Variants in SLC1A7 observed in about 807,000 individuals in gnomAD.
SLC1A7 encodes solute carrier family 1 member 7.
In SLC1A7, 40 loss-of-function variants were observed where a neutral mutation model predicts 47.7. The ratio of observed to expected loss-of-function variants is 0.84; its 90% CI spans 0.65 to 1.09. The LOEUF is 1.09. Ranked by LOEUF, SLC1A7 falls within the 50% of genes least tolerant of loss-of-function variation. The probability of loss-of-function intolerance (pLI) is 0.00; values close to 1 mark genes in which losing one functional copy is unlikely to be tolerated. For missense variants in SLC1A7, 746 were observed against 769.5 expected (o/e 0.97, Z 0.36); for synonymous variants, 323 against 325.6 (o/e 0.99, Z 0.09).
At position 53,134,329 on chromosome 1, in the gene SLC1A7, T is replaced by G. The variant is rs1018725731; in HGVS notation, c.215+21A>C. 1.9e-6 allele frequency: 3 copies of G among 1,598,046 alleles called. No homozygotes were observed. The African/African-American group carries it at 4.0e-5, about 21-fold the overall frequency. ...TCTACCCTCCTGGTTCCGGACCACC[T>G]GGTCAAACCCCCGCTCTCACCTGGA... On this transcript the variant is annotated intron_variant, in intron 2 of 10. Coordinates refer to ENST00000371494, the MANE Select transcript of SLC1A7 (RefSeq NM_006671.6).
intron 2 of SLC1A7, chr1:53,115,810 A>C (rs938806566): frequency 2.0e-5 from 3 of 152,214 alleles, no homozygotes; most frequent in Non-Finnish European, 4.4e-5. Flanking sequence ...CCCCACCCCT[A>C]GCCACCCTGG....
intron 2 of SLC1A7, among the ~76,000 whole-genome samples, chr1:53,133,896 G>T (rs1442952438): frequency 6.6e-6 from 1 of 152,146 alleles, no homozygotes; most frequent in Non-Finnish European, 1.5e-5. Context: ...AGTAGGTGTT[G>T]TTATTCCCAT....
At chr1:53,123,139 T>C (rs954976579) in intron 2 of SLC1A7, among the ~76,000 whole-genome samples, 3 of 152,168 alleles carry the variant, frequency 2.0e-5, no homozygotes, top group Non-Finnish European at 2.9e-5. Context: ...CCGGCCATTC[T>C]CAACCATTCT....
chr1:53,117,742 G>T (rs143164411), intron 2 of SLC1A7, among the ~76,000 whole-genome samples: 3 of 152,156 alleles, frequency 2.0e-5, no homozygotes, highest in Non-Finnish European at 4.4e-5. Context: ...CCCTCAGAAG[G>T]CCCCCCACCG....
chr1:53,136,645 A>G (rs1348011165), intron 1 of SLC1A7, among the ~76,000 whole-genome samples: 2 of 107,814 alleles, frequency 1.9e-5, no homozygotes, highest in Admixed American at 2.7e-4. Context: ...ATAAAAACAT[A>G]TATATATTAT....
rs1445211370 is a variant in SLC1A7 at position 53,134,343 on chromosome 1, C to A, written c.215+7G>T. The A allele has an allele frequency of 3.1e-6, 5 of 1,610,326 alleles. No homozygotes were observed. The highest frequency in any genetic ancestry group is 4.2e-6 in the Non-Finnish European group (5 of 1,177,468). On this transcript the variant is annotated splice_region_variant and intron_variant, in intron 2 of 10. Coordinates refer to ENST00000371494, the MANE Select transcript of SLC1A7 (RefSeq NM_006671.6). ...TCCGGACCACCTGGTCAAACCCCCG[C>A]TCTCACCTGGAGACCACCAGTGGCA...
intron 5 of SLC1A7, 104 bp from the exon 6 acceptor site, chr1:53,093,664 T>TC (rs35510331): frequency 1.4e-6 from 1 of 692,092 alleles, no homozygotes; most frequent in African/African-American, 1.8e-5. Flanking sequence ...GCTCCAGCAC[T>TC]CCCCCCACTC....
chr1:53,088,049 T>A lies in SLC1A7; in HGVS notation c.1643A>T (p.His548Leu). 3 of 1,591,584 alleles carry A rather than the reference T, an allele frequency of 1.9e-6. No individual in the cohort carries two copies. Among genetic ancestry groups the A allele is most frequent in the Non-Finnish European group, 1.7e-6 (2 of 1,165,858 alleles). Residue 548 changes from histidine (H) to leucine (L), a missense_variant, in exon 11 of 11, where the codon CAC becomes CTC. By Grantham distance (99) the His-to-Leu change is moderately conservative. Coordinates refer to ENST00000371494, the MANE Select transcript of SLC1A7 (RefSeq NM_006671.6). ...DEELPAASLN[H>L]CTIQISELET... ...CAGCTCACTGATCTGGATGGTGCAGTGGTTCAGACTCGCAGCGGGCAGCTC... is the reference window on the plus strand; with the variant it reads ...CAGCTCACTGATCTGGATGGTGCAGAGGTTCAGACTCGCAGCGGGCAGCTC...
chr1:53,136,055 T>C (rs904432484), intron 1 of SLC1A7, among the ~76,000 whole-genome samples: 2 of 151,762 alleles, frequency 1.3e-5, no homozygotes, highest in Non-Finnish European at 2.9e-5. Flanking sequence ...ACCCACCCAA[T>C]GTTAACCGCA....
chr1:53,107,399 G>A (rs770616752), intron 3 of SLC1A7, among the ~76,000 whole-genome samples: 4 of 152,276 alleles, frequency 2.6e-5, no homozygotes, highest in South Asian at 2.1e-4. Flanking sequence ...AACGAGATCC[G>A]TAACTTAGTT....
chr1:53,139,875 C>T (rs947948242), intron 1 of SLC1A7, among the ~76,000 whole-genome samples: 1 of 152,116 alleles, frequency 6.6e-6, no homozygotes, highest in African/African-American at 2.4e-5. Context: ...AAAATGGATA[C>T]ACCTGTGATT....
At chr1:53,134,243 A>G (rs1027756061) in intron 2 of SLC1A7, 107 bp downstream of exon 2, 15 of 738,176 alleles carry the variant, frequency 2.0e-5, no homozygotes, top group African/African-American at 3.5e-5. Context: ...CACTCATCCC[A>G]GGGCCTGTGG....
At chr1:53,120,807 CCTT>C (rs1187933361) in intron 2 of SLC1A7, among the ~76,000 whole-genome samples, 4 of 152,260 alleles carry the variant, frequency 2.6e-5, no homozygotes, top group African/African-American at 4.8e-5. Context: ...CCAGTCCCCG[CCTT>C]CTTCTCCTTT....
At chr1:53,135,132 C>G (rs1380622057) in intron 1 of SLC1A7, among the ~76,000 whole-genome samples, 1 of 152,178 alleles carries the variant, frequency 6.6e-6, no homozygotes, top group Middle Eastern at 3.2e-3. Flanking sequence ...AATAACAGCT[C>G]TCCTCCATCT....
At position 53,092,658 on chromosome 1, in the gene SLC1A7, G is replaced by C. The variant is rs1644437151; in HGVS notation, c.927C>G (p.Leu309=). ...AGAAGTAGAGCAGGGGCAGGATAAA[G>C]AGCCCGTGGAGCACCAGCCCGCACA... ...TVVCGLVLHG[L]FILPLLYFFI... The change falls in exon 7 of 11, where the codon CTC becomes CTG. Residue 309 remains leucine (L), a synonymous_variant. Transcript: ENST00000371494. 1.2e-6 allele frequency: 2 copies of C among 1,614,042 alleles called. No individual in the cohort carries two copies. Among genetic ancestry groups the C allele is most frequent in the African/African-American group, 1.3e-5 (1 of 74,938 alleles).
chr1:53,132,700 A>G (rs752059916), intron 2 of SLC1A7, among the ~76,000 whole-genome samples: 24 of 150,840 alleles, frequency 1.6e-4, no homozygotes, highest in Non-Finnish European at 2.7e-4. Context: ...ACAAAAAATA[A>G]TTAGGTGTGG....
intron 5 of SLC1A7, among the ~76,000 whole-genome samples, chr1:53,094,279 G>A (rs757229353): frequency 8.5e-5 from 13 of 152,282 alleles, no homozygotes; most frequent in East Asian, 7.7e-4. Flanking sequence ...TGCTCCTGGC[G>A]CCTCCCCCGG....
At chr1:53,108,063 A>C (rs1470982086) in intron 3 of SLC1A7, 1 of 155,484 alleles carries the variant, frequency 6.4e-6, no homozygotes, top group Non-Finnish European at 1.4e-5. Context: ...TCCTGGCAGC[A>C]ACCTTTCTCT....
At chr1:53,097,973 C>CA in intron 5 of SLC1A7, among the ~76,000 whole-genome samples, 1 of 99,550 alleles carries the variant, frequency 1.0e-5, no homozygotes, top group South Asian at 3.3e-4. Context: ...CACTCACACA[C>CA]CACAACTCGG....
Sources: gnomAD v4.1 joint callset for allele counts (sites outside exome capture counted in the v4.1 genomes callset) on GRCh38, gnomAD v4.1.1 for gene constraint, MANE v1.5 for transcripts, NCBI Gene and HGNC (gene_info 2026-07-23, HGNC 2026-07-21) for gene names.